The following ZC3H7B variants were observed in gnomAD, a reference collection of about 807,000 sequenced individuals.
ZC3H7B encodes zinc finger CCCH-type containing 7B, also known as zinc finger CCCH domain-containing protein 7B.
ZC3H7B carries 35 observed loss-of-function variants against 116.0 expected under a neutral mutation model. The observed-to-expected ratio is 0.30, with a 90% CI of 0.23 to 0.40. The LOEUF (loss-of-function observed/expected upper bound fraction) is 0.40. ZC3H7B is among the 10% of genes least tolerant of loss of function. The pLI, the probability that ZC3H7B is intolerant of heterozygous loss-of-function variation, is 1.00. For missense variants in ZC3H7B, 1,011 were observed against 1,321.5 expected (o/e 0.77, Z 3.64); for synonymous variants, 502 against 545.6 (o/e 0.92, Z 1.11).
intron 1 of ZC3H7B, among the ~76,000 whole-genome samples, chr22:41,308,722 G>C (rs2036078934): frequency 6.6e-6 from 1 of 152,174 alleles, no homozygotes; most frequent in South Asian, 2.1e-4. Flanking sequence ...GCAAAACACA[G>C]CCCTGGCTCC....
chr22:41,328,062 G>A (rs1337200239), intron 5 of ZC3H7B, among the ~76,000 whole-genome samples: 1 of 152,172 alleles, frequency 6.6e-6, no homozygotes, highest in Non-Finnish European at 1.5e-5. Flanking sequence ...AGGAGGTGGA[G>A]GTTGCAGTGA....
chr22:41,324,342 C>T (rs368292309), intron 2 of ZC3H7B, among the ~76,000 whole-genome samples: 11 of 152,194 alleles, frequency 7.2e-5, no homozygotes, highest in African/African-American at 9.6e-5. Context: ...CCTGGCGTTG[C>T]GCCTCTGCCC....
chr22:41,328,395 G>A (rs1345695672), intron 5 of ZC3H7B, among the ~76,000 whole-genome samples: 1 of 152,200 alleles, frequency 6.6e-6, no homozygotes, highest in Admixed American at 6.5e-5. Flanking sequence ...TACTGACCGA[G>A]CTCCTGCTCC....
intron 1 of ZC3H7B, among the ~76,000 whole-genome samples, chr22:41,313,317 C>G (rs554808121): frequency 6.6e-6 from 1 of 152,236 alleles, no homozygotes; most frequent in African/African-American, 2.4e-5. Context: ...GATGGGGTTT[C>G]ACCGTGACGA....
chr22:41,332,056 G>A, intron 6 of ZC3H7B, 115 bp from the exon 7 acceptor site: 2 of 1,067,326 alleles, frequency 1.9e-6, no homozygotes, highest in East Asian at 2.4e-5. Context: ...GACTCTCGGG[G>A]GCGCTGCAGA....
At chr22:41,325,467 G>A in intron 2 of ZC3H7B, 97 bp from the exon 3 acceptor site, 6 of 1,503,452 alleles carry the variant, frequency 4.0e-6, no homozygotes, top group Non-Finnish European at 5.4e-6. Context: ...AGTCCACAAG[G>A]TGATGGCTGA....
At chr22:41,303,306 A>G (rs1426972117) in intron 1 of ZC3H7B, among the ~76,000 whole-genome samples, 1 of 152,174 alleles carries the variant, frequency 6.6e-6, no homozygotes, top group Non-Finnish European at 1.5e-5. Flanking sequence ...CTGAGCTGGG[A>G]TAAAGTTTCT....
chr22:41,332,280 G>A (rs756770904), intron 7 of ZC3H7B, 53 bp downstream of exon 7: 78 of 1,604,402 alleles, frequency 4.9e-5, no homozygotes, highest in Non-Finnish European at 6.7e-5. Flanking sequence ...TGAGAGGTTT[G>A]GATTCACTCT....
chr22:41,339,720 A>AG (rs2036494068), intron 9 of ZC3H7B, 96 bp from the exon 10 acceptor site: 1 of 1,171,714 alleles, frequency 8.5e-7, no homozygotes, highest in African/African-American at 1.5e-5. Flanking sequence ...GCCAGGCGAC[A>AG]GGGTGCAGGT....
At chr22:41,306,736 A>G (rs1000953522) in intron 1 of ZC3H7B, among the ~76,000 whole-genome samples, 1 of 152,154 alleles carries the variant, frequency 6.6e-6, no homozygotes, top group African/African-American at 2.4e-5. Context: ...CAGGTGAAGA[A>G]ACTGTGGCAT....
In ZC3H7B at chr22:41,358,661, C is replaced by T. The variant is rs2036750987; in HGVS notation, c.*1232C>T. 6.5e-6 allele frequency: 1 copy of T among 154,482 alleles called. No individual in the cohort carries two copies. The highest frequency in any genetic ancestry group is 2.0e-4 in the South Asian group (1 of 4,908). 9.6% of individuals were successfully genotyped at this position (154,482 alleles called of 1,614,324 possible). The stretch of plus-strand genomic sequence containing the variant: ...ACAGTTATAACCGTCTGTCCTAGCC[C>T]CTCCCTAATCCCTGGCCCTCCCAGC... On this transcript the variant is annotated 3_prime_UTR_variant, in exon 23 of 23. Transcript: ENST00000352645.
chr22:41,320,773 G>A (rs1470348310), intron 2 of ZC3H7B, 60 bp downstream of exon 2: 4 of 1,597,664 alleles, frequency 2.5e-6, no homozygotes, highest in Non-Finnish European at 3.4e-6. Flanking sequence ...TTCTCTGAGA[G>A]CCATGCCCTC....
chr22:41,317,680 A>T (rs112198461), intron 1 of ZC3H7B, among the ~76,000 whole-genome samples: 4,628 of 152,192 alleles, frequency 0.03, 230 homozygotes, highest in African/African-American at 0.1. Context: ...GCTACTCAGG[A>T]GGCTGAGGGG....
In ZC3H7B at chr22:41,345,585, C is replaced by CA. The variant is rs576238177; in HGVS notation, c.1460-408dup. Among the ~76,000 whole-genome samples the CA allele has an allele frequency of 1.8e-4, 27 of 149,064 alleles. 1 individual carries two copies. Among genetic ancestry groups the CA allele is most frequent in the Admixed American group, 2.7e-4 (4 of 15,020 alleles). ...GGGCAACAAGAGCAAAACTCCATCT[C>CA]AAAAAAAAAATCCCTTCTATTTATT... On this transcript the variant is annotated intron_variant, in intron 13 of 22. Coordinates refer to ENST00000352645, the MANE Select transcript of ZC3H7B (RefSeq NM_017590.6).
At chr22:41,328,409 C>T (rs1389143265) in intron 5 of ZC3H7B, among the ~76,000 whole-genome samples, 3 of 152,242 alleles carry the variant, frequency 2.0e-5, no homozygotes, top group African/African-American at 7.2e-5. Context: ...CTGCTCCATG[C>T]TGGGCACTGG....
intron 18 of ZC3H7B, 36 bp from the exon 19 acceptor site, chr22:41,355,721 G>A (rs2036704512): frequency 6.2e-7 from 1 of 1,613,220 alleles, no homozygotes; most frequent in Admixed American, 1.7e-5. Context: ...CACAGGCTGT[G>A]CCCTGACCTC....
In ZC3H7B at chr22:41,348,379, A is replaced by G. The variant is rs189054416; in HGVS notation, c.1766+212A>G. On this transcript the variant is annotated intron_variant, in intron 15 of 22. Transcript: ENST00000352645. ...CTATATTCCAAGCGTCATCTTGGGTATGTTAATTATCTTAGCAATCCTGTG... is the reference window on the plus strand; with the variant it reads ...CTATATTCCAAGCGTCATCTTGGGTGTGTTAATTATCTTAGCAATCCTGTG... 2.0e-5 allele frequency among the ~76,000 whole-genome samples: 3 copies of G among 152,318 alleles called. No homozygotes were observed. The East Asian group carries it at 5.8e-4, about 29-fold the overall frequency.
intron 1 of ZC3H7B, among the ~76,000 whole-genome samples, chr22:41,303,779 A>G (rs2036004435): frequency 1.3e-5 from 2 of 152,148 alleles, no homozygotes; most frequent in Admixed American, 1.3e-4. Context: ...CTTTTTTGAG[A>G]CGGAGTCTCG....
intron 2 of ZC3H7B, among the ~76,000 whole-genome samples, chr22:41,322,421 C>A (rs979281881): frequency 6.6e-6 from 1 of 151,812 alleles, no homozygotes; most frequent in Non-Finnish European, 1.5e-5. Context: ...CTCCTGACCT[C>A]GTGATCTGCC....
Sources: gnomAD v4.1 joint callset for allele counts (sites outside exome capture counted in the v4.1 genomes callset) on GRCh38, gnomAD v4.1.1 for gene constraint, MANE v1.5 for transcripts, NCBI Gene and HGNC (gene_info 2026-07-23, HGNC 2026-07-21) for gene names.